The following MAP2K4 variants were observed in gnomAD, a reference collection of about 807,000 sequenced individuals.
MAP2K4 encodes mitogen-activated protein kinase kinase 4, also known as dual specificity mitogen-activated protein kinase kinase 4.
In MAP2K4, 4 loss-of-function variants were observed where a neutral mutation model predicts 48.5. The observed-to-expected ratio is 0.08, with a 90% CI of 0.04 to 0.19. The LOEUF is 0.19. Among genes scored for constraint, MAP2K4 ranks in the 10% least tolerant of loss-of-function variants. The pLI is 1.00. For synonymous variants in MAP2K4, 166 were observed against 173.1 expected (o/e 0.96, Z 0.32); for missense variants, 258 against 493.3 (o/e 0.52, Z 4.52).
chr17:12,067,143 A>ATAG (rs1970643191), intron 2 of MAP2K4, among the ~76,000 whole-genome samples: 1 of 152,206 alleles, frequency 6.6e-6, no homozygotes, highest in South Asian at 2.1e-4. Context: ...TCTTAGTTAT[A>ATAG]TAGTATTCAT....
intron 1 of MAP2K4, among the ~76,000 whole-genome samples, chr17:12,025,345 T>C (rs1010109255): frequency 6.6e-6 from 1 of 152,192 alleles, no homozygotes; most frequent in African/African-American, 2.4e-5. Context: ...GAAAGTGCTT[T>C]GAAAATTATA....
At chr17:12,062,887 C>G (rs990533544) in intron 2 of MAP2K4, among the ~76,000 whole-genome samples, 8 of 151,774 alleles carry the variant, frequency 5.3e-5, no homozygotes, top group Admixed American at 3.3e-4. Context: ...ATTCTTCCCC[C>G]CCACCTCCCC....
chr17:12,109,273 C>A (rs185922524), intron 5 of MAP2K4, among the ~76,000 whole-genome samples: 457 of 152,098 alleles, frequency 3.0e-3, no homozygotes, highest in Middle Eastern at 0.01. Flanking sequence ...TCATATATTG[C>A]AATATAAAGA....
intron 9 of MAP2K4, among the ~76,000 whole-genome samples, chr17:12,131,467 G>C (rs576644609): frequency 6.6e-6 from 1 of 151,164 alleles, no homozygotes; most frequent in African/African-American, 2.4e-5. Flanking sequence ...GGCTGATCTC[G>C]AACTTCTGAC....
At chr17:12,025,624 CTTTG>C (rs1969229660) in intron 1 of MAP2K4, among the ~76,000 whole-genome samples, 1 of 152,160 alleles carries the variant, frequency 6.6e-6, no homozygotes, top group Non-Finnish European at 1.5e-5. Context: ...TTACAGAAAA[CTTTG>C]TGACCAGTCG....
intron 2 of MAP2K4, among the ~76,000 whole-genome samples, chr17:12,076,627 TAAGTA>T (rs1194221080): frequency 6.6e-6 from 1 of 152,192 alleles, no homozygotes; most frequent in African/African-American, 2.4e-5. Flanking sequence ...TGCCCTATAT[TAAGTA>T]TTCTATCTAT....
At chr17:12,077,066 C>A (rs1971036048) in intron 2 of MAP2K4, among the ~76,000 whole-genome samples, 1 of 152,106 alleles carries the variant, frequency 6.6e-6, no homozygotes, top group South Asian at 2.1e-4. Context: ...TATCAAACAT[C>A]AGGAATGAGT....
chr17:12,090,668 C>G (rs532055431), intron 3 of MAP2K4, among the ~76,000 whole-genome samples: 4 of 152,186 alleles, frequency 2.6e-5, no homozygotes, highest in African/African-American at 9.6e-5. Flanking sequence ...TCTCTTCCCA[C>G]CCATGAAAAC....
intron 2 of MAP2K4, among the ~76,000 whole-genome samples, chr17:12,057,682 C>T (rs1028294314): frequency 2.6e-5 from 4 of 152,092 alleles, no homozygotes; most frequent in Non-Finnish European, 5.9e-5. Context: ...CTGCCTATAT[C>T]CCCTGTATCC....
Position 12,020,897 on chromosome 17 carries a change from C to A in MAP2K4, c.11C>A (p.Pro4Gln), listed in dbSNP as rs1417816691. ...TCTTCACTCCCAACAATGGCGGCTC[C>A]GAGCCCGAGCGGCGGCGGCGGCTCC... MAAPSPSGGGGSGG... is the reference protein window; with the variant it reads MAAQSPSGGGGSGG... Residue 4 changes from proline (P) to glutamine (Q), a missense_variant, in exon 1 of 11, where the codon CCG (proline) becomes CAG (glutamine). Transcript: ENST00000353533. 1 of 1,215,230 alleles carries A rather than the reference C, an allele frequency of 8.2e-7. No homozygotes were observed. Among genetic ancestry groups the A allele is most frequent in the African/African-American group, 1.6e-5 (1 of 63,654 alleles). 75.3% of individuals were successfully genotyped at this position (1,215,230 alleles called of 1,614,324 possible). A position where few individuals can be genotyped will look rare whatever the true frequency, so the allele number is the denominator to read the frequency against.
At chr17:12,035,960 T>G (rs1207718896) in intron 1 of MAP2K4, among the ~76,000 whole-genome samples, 1 of 152,130 alleles carries the variant, frequency 6.6e-6, no homozygotes, top group Non-Finnish European at 1.5e-5. Context: ...TACAAGTCAG[T>G]GGAGTTTTAT....
chr17:12,070,551 T>C (rs761135896), intron 2 of MAP2K4, among the ~76,000 whole-genome samples: 1 of 152,178 alleles, frequency 6.6e-6, no homozygotes, highest in Non-Finnish European at 1.5e-5. Flanking sequence ...TAGAGCATAA[T>C]TATAAATGTA....
intron 1 of MAP2K4, among the ~76,000 whole-genome samples, chr17:12,042,067 G>T (rs1567629202): frequency 6.7e-6 from 1 of 148,360 alleles, no homozygotes; most frequent in Non-Finnish European, 1.5e-5. Context: ...TATAATCCCA[G>T]CTACTTGGGA....
intron 4 of MAP2K4, among the ~76,000 whole-genome samples, chr17:12,105,309 TC>T (rs1405301943): frequency 6.6e-6 from 1 of 152,180 alleles, no homozygotes; most frequent in Non-Finnish European, 1.5e-5. Flanking sequence ...GGTCTGCTAC[TC>T]CATTTGTTCA....
intron 1 of MAP2K4, among the ~76,000 whole-genome samples, chr17:12,021,784 A>G (rs1598007225): frequency 6.6e-6 from 1 of 151,690 alleles, no homozygotes; most frequent in South Asian, 2.1e-4. Flanking sequence ...AAATGGAGAG[A>G]TACAGGAAAT....
intron 8 of MAP2K4, among the ~76,000 whole-genome samples, chr17:12,127,392 A>G (rs1972886910): frequency 6.6e-6 from 1 of 152,248 alleles, no homozygotes; most frequent in African/African-American, 2.4e-5. Context: ...CAGGATATTT[A>G]CAATTCAGAA....
chr17:12,081,488 C>T lies in MAP2K4; in HGVS notation c.351C>T (p.Asn117=). 6.2e-7 allele frequency: 1 copy of T among 1,614,040 alleles called. No homozygotes were observed. ...GACGAGGAGCTTATGGTTCTGTCAA[C>T]AAAATGGTCCACAAACCAAGTGGGC... The part of the protein sequence containing the change: ...EIGRGAYGSV[N]KMVHKPSGQI... The change falls in exon 3 of 11, where the codon AAC becomes AAT. Residue 117 remains asparagine, a synonymous_variant. Transcript: ENST00000353533. This position sits in a 1 kb window ranked among gnomAD's most constrained non-coding sequence, Gnocchi z 4.2.
intron 1 of MAP2K4, among the ~76,000 whole-genome samples, chr17:12,051,603 A>G (rs1970140866): frequency 6.6e-6 from 1 of 152,152 alleles, no homozygotes. Flanking sequence ...AATGTTTTTG[A>G]TCAGTTATTT....
chr17:12,117,505 A>G (rs1312893733), intron 7 of MAP2K4, among the ~76,000 whole-genome samples: 1 of 152,168 alleles, frequency 6.6e-6, no homozygotes, highest in Non-Finnish European at 1.5e-5. Flanking sequence ...ACAAAGGGTA[A>G]TAAAATGGCA....
Sources: allele counts gnomAD v4.1 joint callset (sites outside exome capture counted in the v4.1 genomes callset), GRCh38; gene constraint gnomAD v4.1.1; non-coding constraint Gnocchi (gnomAD v3.1); transcripts MANE v1.5; gene names NCBI Gene and HGNC (gene_info 2026-07-23, HGNC 2026-07-21).